TMC1: variants seen among roughly 807,000 people sequenced by gnomAD.
The protein encoded by TMC1 is transmembrane channel-like protein 1.
In TMC1, 84 loss-of-function variants were observed where a neutral mutation model predicts 105.8. The ratio of observed to expected loss-of-function variants is 0.79; its 90% CI spans 0.67 to 0.95. The LOEUF is 0.95. TMC1 is among the 40% of genes least tolerant of loss of function. The probability of loss-of-function intolerance (pLI) is 0.00; values close to 1 mark genes in which losing one functional copy is unlikely to be tolerated. For missense variants in TMC1, 817 were observed against 914.1 expected, an observed-to-expected ratio of 0.89 and a Z score of 1.37; for synonymous variants, 315 against 311.5, an observed-to-expected ratio of 1.01 and a Z score of -0.12.
intron 8 of TMC1, among the ~76,000 whole-genome samples, chr9:72,721,285 C>T (rs1390284996): frequency 6.6e-6 from 1 of 152,124 alleles, no homozygotes; most frequent in Admixed American, 6.5e-5. Flanking sequence ...ACAACCTTTA[C>T]CAGCTGAGAG....
chr9:72,792,112 T>A (rs200986613), intron 16 of TMC1, 47 bp downstream of exon 16: 5 of 1,613,514 alleles, frequency 3.1e-6, no homozygotes, highest in Non-Finnish European at 4.2e-6. Flanking sequence ...TGTTGTTCAA[T>A]TCCCAGTCTC....
intron 9 of TMC1, among the ~76,000 whole-genome samples, chr9:72,741,856 T>G (rs2118021429): frequency 6.6e-6 from 1 of 152,266 alleles, no homozygotes; most frequent in Non-Finnish European, 1.5e-5. Context: ...GCAAAATGAT[T>G]TTATGACTTG....
chr9:72,542,073 C>T (rs1198726958), intron 1 of TMC1, among the ~76,000 whole-genome samples: 1 of 152,150 alleles, frequency 6.6e-6, no homozygotes, highest in East Asian at 1.9e-4. Flanking sequence ...TCTGTAATCC[C>T]AGTACTTTGG....
intron 10 of TMC1, among the ~76,000 whole-genome samples, chr9:72,744,965 C>T (rs927804460): frequency 2.6e-5 from 4 of 152,104 alleles, no homozygotes; most frequent in Admixed American, 6.6e-5. Context: ...TCAGTTATCT[C>T]CTCTCTTCTT....
intron 1 of TMC1, among the ~76,000 whole-genome samples, chr9:72,548,928 G>T (rs1054365864): frequency 3.9e-5 from 6 of 152,194 alleles, no homozygotes; most frequent in African/African-American, 1.2e-4. Context: ...GCCCACGAGA[G>T]CAAGCTCATG....
chr9:72,758,887 T>G (rs1405925791), intron 12 of TMC1, among the ~76,000 whole-genome samples: 1 of 149,414 alleles, frequency 6.7e-6, no homozygotes. Context: ...ATGATATTTC[T>G]ATTTATTTAT....
intron 2 of TMC1, among the ~76,000 whole-genome samples, chr9:72,602,366 ATTTT>A (rs66682329): frequency 0.08 from 6,922 of 86,314 alleles, 175 homozygotes; most frequent in Middle Eastern, 0.097. Context: ...CCTATTGGTG[ATTTT>A]TTTTTTTTTT....
At chr9:72,545,018 C>T (rs528811856) in intron 1 of TMC1, among the ~76,000 whole-genome samples, 38 of 152,020 alleles carry the variant, frequency 2.5e-4, no homozygotes, top group Middle Eastern at 3.4e-3. Context: ...CTCCCACTTA[C>T]GAGTGAGAAC....
At chr9:72,676,157 A>T (rs575769487) in intron 5 of TMC1, among the ~76,000 whole-genome samples, 2 of 152,310 alleles carry the variant, frequency 1.3e-5, no homozygotes, top group East Asian at 3.9e-4. Flanking sequence ...AAGAGCAGAC[A>T]TTGGCGTTGG....
At chr9:72,624,342 C>T (rs781306550) in intron 3 of TMC1, among the ~76,000 whole-genome samples, 2 of 152,116 alleles carry the variant, frequency 1.3e-5, no homozygotes, top group Non-Finnish European at 2.9e-5. Context: ...TCTTTGCAGT[C>T]GGGCGGTAGT....
chr9:72,788,525 A>G, intron 14 of TMC1, 42 bp downstream of exon 14: 1 of 1,609,296 alleles, frequency 6.2e-7, no homozygotes, highest in Middle Eastern at 1.7e-4. Context: ...TGTATTTCTA[A>G]GAGTAAAATT....
chr9:72,740,170 A>G lies in TMC1; in HGVS notation c.414A>G (p.Lys138=), dbSNP rs566767136. The G allele has an allele frequency of 8.7e-6, 14 of 1,613,726 alleles. No homozygotes were observed. In the South Asian group the frequency reaches 1.2e-4, roughly 14 times the overall value. ...ATGAAGGGGCTCTTGGGAAAGGAAAAGGAAAACGGTGGTTTGCATTTAAGA... is the reference window on the plus strand; with the variant it reads ...ATGAAGGGGCTCTTGGGAAAGGAAAGGGAAAACGGTGGTTTGCATTTAAGA... ...SENEGALGKG[K]GKRWFAFKMM... The change falls in exon 9 of 24, where the codon AAA becomes AAG. Residue 138 remains lysine (K), a synonymous_variant. Transcript: ENST00000297784.
chr9:72,538,935 G>T (rs1218899501), intron 1 of TMC1, among the ~76,000 whole-genome samples: 1 of 152,086 alleles, frequency 6.6e-6, no homozygotes, highest in African/African-American at 2.4e-5. Flanking sequence ...GGCATGTTGG[G>T]TACCCTCTCA....
chr9:72,631,193 T>A (rs1825443230), intron 4 of TMC1, among the ~76,000 whole-genome samples: 1 of 152,230 alleles, frequency 6.6e-6, no homozygotes, highest in Admixed American at 6.5e-5. Context: ...TTCACATTTT[T>A]AATGATGTTT....
intron 4 of TMC1, among the ~76,000 whole-genome samples, chr9:72,646,374 C>T (rs1174612210): frequency 6.6e-6 from 1 of 152,138 alleles, no homozygotes; most frequent in Non-Finnish European, 1.5e-5. Context: ...AAGTTATACT[C>T]CTATTAGCCG....
chr9:72,657,032 T>C (rs1337967655), intron 5 of TMC1, among the ~76,000 whole-genome samples: 1 of 152,242 alleles, frequency 6.6e-6, no homozygotes, highest in Admixed American at 6.5e-5. Flanking sequence ...GTTCTTTCCC[T>C]GGCCTTAGTA....
At chr9:72,579,315 G>C (rs1454527142) in intron 2 of TMC1, among the ~76,000 whole-genome samples, 1 of 152,084 alleles carries the variant, frequency 6.6e-6, no homozygotes, top group Admixed American at 6.6e-5. Context: ...GGCTTCACCT[G>C]TTTGGTCTCT....
At chr9:72,560,365 T>C (rs778339247) in intron 1 of TMC1, among the ~76,000 whole-genome samples, 7 of 152,222 alleles carry the variant, frequency 4.6e-5, no homozygotes, top group African/African-American at 1.4e-4. Context: ...TATCACCTTA[T>C]CTAATTTTGA....
chr9:72,724,327 A>G lies in TMC1; in HGVS notation c.363-15792A>G, dbSNP rs1307059697. On this transcript the variant is annotated intron_variant, in intron 8 of 23. Transcript: ENST00000297784. ...CACATGGTGAGCAAGGACGAGAGAC[A>G]GGGAGAAATGGGGCTGTATTTATCT... is the stretch of plus-strand genomic sequence containing the variant. Among the ~76,000 whole-genome samples, 3 of 152,202 alleles carry G rather than the reference A, an allele frequency of 2.0e-5. No individual in the cohort carries two copies. In the South Asian group the frequency reaches 6.2e-4, roughly 32 times the overall value.
Sources: allele counts gnomAD v4.1 joint callset (sites outside exome capture counted in the v4.1 genomes callset), GRCh38; gene constraint gnomAD v4.1.1; transcripts MANE v1.5; gene names NCBI Gene and HGNC (gene_info 2026-07-23, HGNC 2026-07-21).